The following PCDHA8 variants were observed in gnomAD, a reference collection of about 807,000 sequenced individuals.
PCDHA8 encodes protocadherin alpha-8.
A neutral mutation model predicts 61.8 loss-of-function variants in PCDHA8; 53 were observed. The ratio of observed to expected loss-of-function variants is 0.86; its 90% CI spans 0.69 to 1.08. The LOEUF is 1.08. PCDHA8 is among the 50% of genes least tolerant of loss of function. The probability of loss-of-function intolerance (pLI) is 0.00; values close to 1 mark genes in which losing one functional copy is unlikely to be tolerated. For missense variants in PCDHA8, 1,293 were observed against 1,245.0 expected (o/e 1.04, Z -0.58); for synonymous variants, 618 against 556.6 (o/e 1.11, Z -1.55).
At chr5:140,876,493 C>G in intron 1 of PCDHA8, 1 of 1,614,008 alleles carries the variant, frequency 6.2e-7, no homozygotes, top group South Asian at 1.1e-5. Flanking sequence ...GGTGGAAGTT[C>G]TGGACGTGAA....
chr5:140,849,956 C>G (rs2150460065), intron 1 of PCDHA8: 1 of 1,597,918 alleles, frequency 6.3e-7, no homozygotes, highest in South Asian at 1.1e-5. Context: ...CGCAGGAGAA[C>G]GCCCTGGTGT....
chr5:140,856,396 C>T, intron 1 of PCDHA8: 1 of 1,598,526 alleles, frequency 6.3e-7, no homozygotes, highest in Non-Finnish European at 8.6e-7. Context: ...TGCAGGTTTT[C>T]CATGTGGACG....
intron 1 of PCDHA8, chr5:140,876,604 G>A: frequency 6.2e-7 from 1 of 1,614,204 alleles, no homozygotes; most frequent in Non-Finnish European, 8.5e-7. Flanking sequence ...GTCGGATCGT[G>A]ACTCTGGAGC....
Position 140,978,838 on chromosome 5 carries a change from A to G in PCDHA8, c.2395-111A>G, listed in dbSNP as rs571929271. 3.9e-6 allele frequency: 6 copies of G among 1,554,610 alleles called. No homozygotes were observed. In the African/African-American group the frequency reaches 5.5e-5, roughly 14 times the overall value. On this transcript the variant is annotated intron_variant, in intron 1 of 3. Transcript: ENST00000531613. ...TTACACATGAAATGGCTCATTCAAT[A>G]CTTTTTTAGATGCCTGGAAATATTT... is the stretch of plus-strand genomic sequence containing the variant.
chr5:140,859,471 T>TAG, intron 1 of PCDHA8: 1 of 211,266 alleles, frequency 4.7e-6, no homozygotes, highest in Non-Finnish European at 9.2e-6. Context: ...ACACTATCAA[T>TAG]TGTGTTTTCC....
chr5:140,849,974 G>A lies in PCDHA8; in HGVS notation c.2394+6259G>A, dbSNP rs190398483. The stretch of plus-strand genomic sequence containing the variant: ...AGGAGAACGCCCTGGTGTCCTACTC[G>A]CTGGTGGAGCGGCGGTTGGGCGAGC... On this transcript the variant is annotated intron_variant, in intron 1 of 3. Transcript: ENST00000531613. The A allele has an allele frequency of 6.3e-5, 100 of 1,597,670 alleles. 8 individuals carry two copies. Among genetic ancestry groups the A allele is most frequent in the Non-Finnish European group, 7.6e-5 (89 of 1,167,890 alleles).
chr5:140,847,411 A>G (rs1333406263), intron 1 of PCDHA8: 4 of 149,582 alleles, frequency 2.7e-5, no homozygotes, highest in African/African-American at 9.8e-5. Context: ...ATAAACACTC[A>G]CGGTTTTGCC....
intron 1 of PCDHA8, chr5:140,870,474 C>T (rs1554164302): frequency 6.2e-7 from 1 of 1,614,218 alleles, no homozygotes; most frequent in Non-Finnish European, 8.5e-7. Context: ...TCGCACAGCC[C>T]GAGTACACCG....
intron 1 of PCDHA8, among the ~76,000 whole-genome samples, chr5:140,907,922 G>T (rs1554193181): frequency 6.6e-6 from 1 of 152,174 alleles, no homozygotes; most frequent in Admixed American, 6.5e-5. Context: ...ACTCAGAGAG[G>T]TCCATTCACA....
At chr5:140,870,618 C>A in intron 1 of PCDHA8, 1 of 1,613,174 alleles carries the variant, frequency 6.2e-7, no homozygotes, top group Non-Finnish European at 8.5e-7. Context: ...CGCTGTCGAG[C>A]TACGTGTCGG....
rs571650734 is a variant in PCDHA8 at position 140,851,052 on chromosome 5, C to T, written c.2394+7337C>T. On this transcript the variant is annotated intron_variant, in intron 1 of 3. Transcript: ENST00000531613. Reference sequence around the variant, plus strand: ...CCCTTAACATTGGAGCCGACTTTGTCTTGACTTCTAGTGAGAATTATAAAC... The same window carrying T: ...CCCTTAACATTGGAGCCGACTTTGTTTTGACTTCTAGTGAGAATTATAAAC... 5 of 1,384,048 alleles carry T rather than the reference C, an allele frequency of 3.6e-6. No individual in the cohort carries two copies. The African/African-American group carries it at 5.9e-5, about 16-fold the overall frequency. The allele number at this position is 1,384,048 out of a possible 1,614,324, so 85.7% of individuals were successfully genotyped here.
intron 3 of PCDHA8, among the ~76,000 whole-genome samples, chr5:141,004,888 G>C (rs555046086): frequency 2.0e-5 from 3 of 152,132 alleles, no homozygotes; most frequent in Admixed American, 6.5e-5. Flanking sequence ...GTGCTATTGT[G>C]TCAGCTCTGC....
chr5:140,869,371 A>G (rs559164668), intron 1 of PCDHA8: 1 of 1,614,110 alleles, frequency 6.2e-7, no homozygotes, highest in East Asian at 2.2e-5. Flanking sequence ...GAATTCTCGG[A>G]TCGACCGCGA....
At chr5:140,989,744 T>C (rs1354218140) in intron 3 of PCDHA8, among the ~76,000 whole-genome samples, 1 of 152,200 alleles carries the variant, frequency 6.6e-6, no homozygotes, top group Non-Finnish European at 1.5e-5. Context: ...CATTGCCTAA[T>C]CTGGAGAAAC....
chr5:140,998,690 A>G (rs1310258939), intron 3 of PCDHA8, among the ~76,000 whole-genome samples: 1 of 151,696 alleles, frequency 6.6e-6, no homozygotes, highest in Non-Finnish European at 1.5e-5. Flanking sequence ...TCAGCCTCCC[A>G]AGTAGCTGGG....
intron 3 of PCDHA8, among the ~76,000 whole-genome samples, chr5:141,008,500 A>C (rs2098379990): frequency 6.6e-6 from 1 of 152,072 alleles, no homozygotes; most frequent in African/African-American, 2.4e-5. Context: ...GGTATACTTT[A>C]TGGTGTGTCT....
At chr5:141,003,087 G>A (rs894210434) in intron 3 of PCDHA8, among the ~76,000 whole-genome samples, 4 of 152,198 alleles carry the variant, frequency 2.6e-5, no homozygotes, top group Non-Finnish European at 5.9e-5. Flanking sequence ...AGTTTAACAG[G>A]CCTGGCATTT....
At chr5:141,003,143 ACT>A (rs1162243146) in intron 3 of PCDHA8, among the ~76,000 whole-genome samples, 1 of 152,180 alleles carries the variant, frequency 6.6e-6, no homozygotes, top group East Asian at 1.9e-4. Context: ...CTTGGCAAAG[ACT>A]CTGACCTGAT....
At chr5:140,937,844 G>A (rs926736710) in intron 1 of PCDHA8, among the ~76,000 whole-genome samples, 7 of 149,606 alleles carry the variant, frequency 4.7e-5, no homozygotes, top group Non-Finnish European at 8.9e-5. Context: ...CCTGGAAGGC[G>A]GAACTTGGAG....
Sources: allele counts gnomAD v4.1 joint callset (sites outside exome capture counted in the v4.1 genomes callset), GRCh38; gene constraint gnomAD v4.1.1; transcripts MANE v1.5; gene names NCBI Gene and HGNC (gene_info 2026-07-23, HGNC 2026-07-21).